Variants in CEP19 observed in about 807,000 individuals in gnomAD.
The protein encoded by CEP19 is centrosomal protein 19.
A neutral mutation model predicts 17.5 loss-of-function variants in CEP19; 14 were observed. That is an observed-to-expected ratio of 0.80 (90% CI 0.53 to 1.25). CEP19 has a LOEUF of 1.25. Among genes scored for constraint, CEP19 ranks in the 50% most tolerant of loss-of-function variants. The pLI is 0.00. For missense variants in CEP19, 193 were observed against 192.0 expected (o/e 1.01, Z -0.03); for synonymous variants, 59 against 65.5 (o/e 0.90, Z 0.48).
At chr3:196,711,009 G>A (rs1577662395) in intron 1 of CEP19, among the ~76,000 whole-genome samples, 1 of 129,030 alleles carries the variant, frequency 7.8e-6, no homozygotes. Flanking sequence ...AAAATTTGAT[G>A]TTAGTAAACT....
rs1379987697 is a variant in CEP19 at position 196,706,664 on chromosome 3, A to AT, written c.*886dup. Reference sequence around the variant, plus strand: ...GATAAATAATATAAAGATATAACACATAAGAGGTAATTCCCTGGTAACCAT... The same window carrying AT: ...GATAAATAATATAAAGATATAACACATTAAGAGGTAATTCCCTGGTAACCAT... On this transcript the variant is annotated 3_prime_UTR_variant, in exon 3 of 3. Coordinates refer to ENST00000409690, the MANE Select transcript of CEP19 (RefSeq NM_032898.5). The AT allele has an allele frequency of 6.6e-6, 1 of 152,170 alleles. No homozygotes were observed. The highest frequency in any genetic ancestry group is 6.5e-5 in the Admixed American group (1 of 15,274). The allele number at this position is 152,170 out of a possible 1,614,324, so 9.4% of individuals were successfully genotyped here.
rs1711619726 is a variant in CEP19 at position 196,708,724 on chromosome 3, C to T, written c.-67G>A. ...ATATGTGTAAGTTGCATAATGACTT[C>T]CTGCTAAAGGGAAAAAACAACTAGG... is the stretch of plus-strand genomic sequence containing the variant. On this transcript the variant is annotated 5_prime_UTR_variant, in exon 2 of 3. Transcript: ENST00000409690. 1 of 1,539,932 alleles carries T rather than the reference C, an allele frequency of 6.5e-7. No individual in the cohort carries two copies. The highest frequency in any genetic ancestry group is 1.7e-4 in the Middle Eastern group (1 of 5,802).
At position 196,711,999 on chromosome 3, in the gene CEP19, C is replaced by T. The variant is rs1333814559; in HGVS notation, c.-141G>A. 1.4e-6 allele frequency: 1 copy of T among 717,308 alleles called. No homozygotes were observed. 44.4% of individuals were successfully genotyped at this position (717,308 alleles called of 1,614,324 possible). A position where few individuals can be genotyped will look rare whatever the true frequency, so the allele number is the denominator to read the frequency against. On this transcript the variant is annotated 5_prime_UTR_variant, in exon 1 of 3. Transcript: ENST00000409690. Reference sequence around the variant, plus strand: ...AACAACCAGGAGTGGGTTTTTCCACCCAACCGCAGTGCACGCAAAGCCCCT... The same window carrying T: ...AACAACCAGGAGTGGGTTTTTCCACTCAACCGCAGTGCACGCAAAGCCCCT...
rs71161953 is a variant in CEP19, at chr3:196,710,842, TAAAAAAAAAAA to T, written c.-71+1076_-71+1086del. Among the ~76,000 whole-genome samples, 1,454 of 98,224 alleles carry T rather than the reference TAAAAAAAAAAA, an allele frequency of 0.015. 73 individuals carry two copies. The East Asian group carries it at 0.18, about 12-fold the overall frequency. 64.4% of individuals were successfully genotyped at this position (98,224 alleles called of 152,430 possible). ...CTCCAAAGCATGATACGCCTATTCTTAAAAAAAAAAAAAAAAAAAAAAAAAACTACTTTAAA... is the reference window on the plus strand; with the variant it reads ...CTCCAAAGCATGATACGCCTATTCTTAAAAAAAAAAAAAAACTACTTTAAA... On this transcript the variant is annotated intron_variant, in intron 1 of 2. Transcript: ENST00000409690.
intron 1 of CEP19, among the ~76,000 whole-genome samples, 190 bp downstream of exon 1, chr3:196,711,739 G>GT (rs1711801194): frequency 6.6e-6 from 1 of 152,166 alleles, no homozygotes; most frequent in Non-Finnish European, 1.5e-5. Context: ...ATTCCACTCT[G>GT]TTTAGGAAGA....
At chr3:196,708,316 A>G (rs946654346) in intron 2 of CEP19, among the ~76,000 whole-genome samples, 12 of 152,218 alleles carry the variant, frequency 7.9e-5, no homozygotes, top group African/African-American at 1.2e-4. Context: ...GAATAATGCT[A>G]TATCATTTAA....
At position 196,706,623 on chromosome 3, in the gene CEP19, G is replaced by A. The variant is rs1056029105; in HGVS notation, c.*928C>T. The A allele has an allele frequency of 2.6e-5, 4 of 151,970 alleles. No homozygotes were observed. Among genetic ancestry groups the A allele is most frequent in the African/African-American group, 9.7e-5 (4 of 41,338 alleles). 9.4% of individuals were successfully genotyped at this position (151,970 alleles called of 1,614,324 possible). On this transcript the variant is annotated 3_prime_UTR_variant, in exon 3 of 3. Coordinates refer to ENST00000409690, the MANE Select transcript of CEP19 (RefSeq NM_032898.5). ...CTTGCAGCTGTAGGGAATTTTGCAG[G>A]GTACTCTTTTCCAGAGATAAATAAT...
chr3:196,708,732 AGGG>A lies in CEP19; in HGVS notation c.-70-8_-70-6del. 6.7e-7 allele frequency: 1 copy of A among 1,495,452 alleles called. No homozygotes were observed. The highest frequency in any genetic ancestry group is 9.2e-7 in the Non-Finnish European group (1 of 1,089,584). 92.6% of individuals were successfully genotyped at this position (1,495,452 alleles called of 1,614,324 possible). A position where few individuals can be genotyped will look rare whatever the true frequency, so the allele number is the denominator to read the frequency against. On this transcript the variant is annotated splice_polypyrimidine_tract_variant and splice_region_variant and intron_variant, in intron 1 of 2. Transcript: ENST00000409690. The stretch of plus-strand genomic sequence containing the variant: ...AAGTTGCATAATGACTTCCTGCTAA[AGGG>A]AAAAAACAACTAGGTGTTGGATAAA...
At chr3:196,710,094 G>A (rs1244277097) in intron 1 of CEP19, among the ~76,000 whole-genome samples, 1 of 152,118 alleles carries the variant, frequency 6.6e-6, no homozygotes, top group East Asian at 1.9e-4. Flanking sequence ...GCTATTTCCT[G>A]ACGTTCAAAT....
Position 196,707,904 on chromosome 3 carries a change from T to C in CEP19, c.139A>G (p.Arg47Gly), listed in dbSNP as rs762205604. 6 of 1,609,498 alleles carry C rather than the reference T, an allele frequency of 3.7e-6. No homozygotes were observed. Among genetic ancestry groups the C allele is most frequent in the Non-Finnish European group, 5.1e-6 (6 of 1,179,612 alleles). Residue 47 changes from arginine to glycine, a missense_variant, in exon 3 of 3, where the codon AGA becomes GGA. Physicochemically the swap from Arg to Gly is moderately radical, Grantham distance 125. Transcript: ENST00000409690. ...RNFSKFSDCTRAAEQLKNNPR... is the reference protein window; with the variant it reads ...RNFSKFSDCTGAAEQLKNNPR... ...TTATTCTTTAATTGTTCAGCAGCTCTGGTGCAATCTGGGAGAGAGAAGAAA... is the reference window on the plus strand; with the variant it reads ...TTATTCTTTAATTGTTCAGCAGCTCCGGTGCAATCTGGGAGAGAGAAGAAA...
In CEP19 at chr3:196,707,873, C is replaced by G. The variant is rs554079648; in HGVS notation, c.170G>C (p.Arg57Pro). The part of the protein sequence containing the change: ...RAAEQLKNNP[R>P]HKSYLEQVSL... ...TACTTGTTCTAGGTAACTCTTGTGT[C>G]GCGGATTATTCTTTAATTGTTCAGC... The change falls in exon 3 of 3, where the codon CGA (arginine) becomes CCA (proline). Residue 57 changes from arginine to proline, a missense_variant. By Grantham distance (103) the Arg-to-Pro change is moderately radical. Transcript: ENST00000409690. The G allele has an allele frequency of 6.2e-7, 1 of 1,613,096 alleles. No homozygotes were observed. The highest frequency in any genetic ancestry group is 8.5e-7 in the Non-Finnish European group (1 of 1,179,978).
rs1037141648 is a variant in CEP19, at chr3:196,707,742, G to A, written c.301C>T (p.Pro101Ser). 1 of 1,614,056 alleles carries A rather than the reference G, an allele frequency of 6.2e-7. No individual in the cohort carries two copies. The highest frequency in any genetic ancestry group is 1.3e-5 in the African/African-American group (1 of 75,008). Residue 101 changes from proline to serine, a missense_variant, in exon 3 of 3, where the codon CCT becomes TCT. Pro to Ser is a moderately conservative substitution (Grantham distance 74, BLOSUM62 -1). Coordinates refer to ENST00000409690, the MANE Select transcript of CEP19 (RefSeq NM_032898.5). ...EQIQRETTID[P>S]EEDLNKLDDK... The stretch of plus-strand genomic sequence containing the variant: ...TCTAGTTTGTTCAGGTCTTCCTCAG[G>A]ATCAATGGTTGTTTCCCGTTGAATT...
chr3:196,710,103 A>G (rs1711690976), intron 1 of CEP19, among the ~76,000 whole-genome samples: 1 of 152,178 alleles, frequency 6.6e-6, no homozygotes, highest in Non-Finnish European at 1.5e-5. Flanking sequence ...TGACGTTCAA[A>G]TTTAACAACA....
At chr3:196,708,402 G>A in intron 2 of CEP19, 126 bp downstream of exon 2, 1 of 842,296 alleles carries the variant, frequency 1.2e-6, no homozygotes, top group South Asian at 1.8e-5. Context: ...TATAGATTAG[G>A]AAACTGAAGC....
chr3:196,708,537 T>C lies in CEP19; in HGVS notation c.121A>G (p.Lys41Glu), dbSNP rs1187092263. The change falls in exon 2 of 3, where the codon AAG becomes GAG. Residue 41 changes from lysine (K) to glutamate (E), a missense_variant. Lys to Glu is a moderately conservative substitution (Grantham distance 56). Transcript: ENST00000409690. ...QRIMPVRNFS[K>E]FSDCTRAAEQ... ...ATAAGACATGAGGTACCTGAAAACT[T>C]TGAAAAGTTTCGAACTGGCATAATG... is the stretch of plus-strand genomic sequence containing the variant. 10 of 1,614,016 alleles carry C rather than the reference T, an allele frequency of 6.2e-6. No individual in the cohort carries two copies. Among genetic ancestry groups the C allele is most frequent in the Non-Finnish European group, 6.8e-6 (8 of 1,180,026 alleles).
In CEP19 at chr3:196,712,221, G is replaced by A. The variant is rs1711835723; in HGVS notation, c.-363C>T. The A allele has an allele frequency of 1.9e-6, 1 of 534,482 alleles. No individual in the cohort carries two copies. The highest frequency in any genetic ancestry group is 3.4e-6 in the Non-Finnish European group (1 of 298,146). 33.1% of individuals were successfully genotyped at this position (534,482 alleles called of 1,614,324 possible). On this transcript the variant is annotated 5_prime_UTR_variant, in exon 1 of 3. Coordinates refer to ENST00000409690, the MANE Select transcript of CEP19 (RefSeq NM_032898.5). ...GTACAGGGATTCCAGGTCCCGGCGA[G>A]CGCTGGCCTAGCGGTTTCCACAGCG...
At position 196,711,961 on chromosome 3, in the gene CEP19, A is replaced by C. The variant is rs1711813809; in HGVS notation, c.-103T>G. Reference sequence around the variant, plus strand: ...GGAATACAGAAATGACATCGTCTGCAGGCCAACGTCTAAACAACCAGGAGT... The same window carrying C: ...GGAATACAGAAATGACATCGTCTGCCGGCCAACGTCTAAACAACCAGGAGT... On this transcript the variant is annotated 5_prime_UTR_variant, in exon 1 of 3. Coordinates refer to ENST00000409690, the MANE Select transcript of CEP19 (RefSeq NM_032898.5). 1 of 717,490 alleles carries C rather than the reference A, an allele frequency of 1.4e-6. No individual in the cohort carries two copies. Among genetic ancestry groups the C allele is most frequent in the South Asian group, 1.5e-5 (1 of 67,610 alleles). The allele number at this position is 717,490 out of a possible 1,614,324, so 44.4% of individuals were successfully genotyped here. A position where few individuals can be genotyped will look rare whatever the true frequency, so the allele number is the denominator to read the frequency against.
intron 1 of CEP19, 105 bp downstream of exon 1, chr3:196,711,824 A>G: frequency 1.4e-6 from 1 of 704,174 alleles, no homozygotes; most frequent in Non-Finnish European, 2.7e-6. Flanking sequence ...ACTGCCCACA[A>G]TCTTGTTAGG....
In CEP19 at chr3:196,707,539, G is replaced by A. The variant is rs201162249; in HGVS notation, c.*12C>T. 72 of 1,588,756 alleles carry A rather than the reference G, an allele frequency of 4.5e-5. No homozygotes were observed. The highest frequency in any genetic ancestry group is 5.6e-5 in the Non-Finnish European group (65 of 1,168,986). ...ATTCTGCTAGCCCAATGCATGTTTTGAGTGTTTGGTATCAGAACTCATCAG... is the reference window on the plus strand; with the variant it reads ...ATTCTGCTAGCCCAATGCATGTTTTAAGTGTTTGGTATCAGAACTCATCAG... On this transcript the variant is annotated 3_prime_UTR_variant, in exon 3 of 3. Coordinates refer to ENST00000409690, the MANE Select transcript of CEP19 (RefSeq NM_032898.5).
Sources: allele counts gnomAD v4.1 joint callset (sites outside exome capture counted in the v4.1 genomes callset), GRCh38; gene constraint gnomAD v4.1.1; transcripts MANE v1.5; gene names NCBI Gene and HGNC (gene_info 2026-07-23, HGNC 2026-07-21).